LRRC4C: variants seen among roughly 807,000 people sequenced by gnomAD.
LRRC4C encodes leucine-rich repeat-containing protein 4C.
LRRC4C carries 5 observed loss-of-function variants against 33.6 expected under a neutral mutation model. The observed-to-expected ratio is 0.15, with a 90% CI of 0.08 to 0.31. LRRC4C has a LOEUF of 0.31. LRRC4C is among the 10% of genes least tolerant of loss of function. The probability of loss-of-function intolerance (pLI) is 1.00; values close to 1 mark genes in which losing one functional copy is unlikely to be tolerated. For missense variants in LRRC4C, 560 were observed against 796.7 expected, an observed-to-expected ratio of 0.70 and a Z score of 3.58; for synonymous variants, 329 against 302.0, an observed-to-expected ratio of 1.09 and a Z score of -0.93.
chr11:40,689,302 G>A (rs1299989330), intron 2 of LRRC4C, among the ~76,000 whole-genome samples: 2 of 151,850 alleles, frequency 1.3e-5, no homozygotes, highest in African/African-American at 2.4e-5. Context: ...ACTCAGTACT[G>A]CCTGATCCAT....
chr11:40,864,840 C>T (rs1180696214), intron 2 of LRRC4C, among the ~76,000 whole-genome samples: 1 of 152,206 alleles, frequency 6.6e-6, no homozygotes, highest in Non-Finnish European at 1.5e-5. Flanking sequence ...ATATTCTCTA[C>T]ACTCAGCATG....
intron 2 of LRRC4C, among the ~76,000 whole-genome samples, chr11:40,665,324 AAATATAT>A (rs1482935996): frequency 7.8e-4 from 8 of 10,302 alleles, no homozygotes; most frequent in East Asian, 8.3e-3. Flanking sequence ...AAAAAAAAAA[AAATATAT>A]ATATATATAT....
chr11:41,160,070 A>G (rs910073623), intron 1 of LRRC4C, among the ~76,000 whole-genome samples: 2 of 152,132 alleles, frequency 1.3e-5, no homozygotes, highest in Non-Finnish European at 1.5e-5. Context: ...GAAAACTATC[A>G]TTACAAAGTG....
At chr11:40,267,232 A>G (rs1942340360) in intron 4 of LRRC4C, among the ~76,000 whole-genome samples, 1 of 152,196 alleles carries the variant, frequency 6.6e-6, no homozygotes, top group South Asian at 2.1e-4. Flanking sequence ...ATAAGTGTTT[A>G]GTAAAAAATA....
At chr11:40,825,995 ATTGCAGGG>A (rs1449495815) in intron 2 of LRRC4C, among the ~76,000 whole-genome samples, 2 of 149,712 alleles carry the variant, frequency 1.3e-5, no homozygotes, top group African/African-American at 4.9e-5. Flanking sequence ...AAGTGAGGAA[ATTGCAGGG>A]TTTGTGAAGA....
At chr11:40,795,304 G>T (rs1950780068) in intron 2 of LRRC4C, among the ~76,000 whole-genome samples, 1 of 152,082 alleles carries the variant, frequency 6.6e-6, no homozygotes, top group Non-Finnish European at 1.5e-5. Context: ...TGAGGCTGGT[G>T]GATCACGAGT....
chr11:41,008,956 CT>C (rs1218135777), intron 1 of LRRC4C, among the ~76,000 whole-genome samples: 1 of 151,932 alleles, frequency 6.6e-6, no homozygotes, highest in African/African-American at 2.4e-5. Context: ...GCATTTGTGT[CT>C]TCTTCAATTG....
At chr11:40,882,471 T>A (rs533433108) in intron 2 of LRRC4C, among the ~76,000 whole-genome samples, 1 of 152,198 alleles carries the variant, frequency 6.6e-6, no homozygotes, top group African/African-American at 2.4e-5. Context: ...GACTTTACAT[T>A]TTGGCATTGC....
chr11:40,169,443 A>C, intron 5 of LRRC4C, among the ~76,000 whole-genome samples: 1 of 152,196 alleles, frequency 6.6e-6, no homozygotes. Flanking sequence ...GTAGAGAGTG[A>C]GTCAATCTCA....
intron 1 of LRRC4C, among the ~76,000 whole-genome samples, chr11:40,980,806 T>C (rs1190348880): frequency 6.6e-6 from 1 of 152,158 alleles, no homozygotes; most frequent in Non-Finnish European, 1.5e-5. Flanking sequence ...TTTTGATATA[T>C]TCAAAAGATG....
intron 3 of LRRC4C, among the ~76,000 whole-genome samples, chr11:40,450,493 T>G (rs1267321718): frequency 6.6e-6 from 1 of 152,050 alleles, no homozygotes; most frequent in Non-Finnish European, 1.5e-5. Flanking sequence ...AAGACAACAA[T>G]GACCTTAAAT....
chr11:40,977,039 G>A (rs1592239243), intron 1 of LRRC4C, among the ~76,000 whole-genome samples: 1 of 152,228 alleles, frequency 6.6e-6, no homozygotes, highest in East Asian at 1.9e-4. Context: ...GCTGATGGGA[G>A]ACAGTGACAG....
intron 2 of LRRC4C, among the ~76,000 whole-genome samples, chr11:40,892,355 AC>A (rs1344278479): frequency 2.0e-5 from 3 of 152,070 alleles, no homozygotes; most frequent in African/African-American, 4.8e-5. Flanking sequence ...GGACAAAAAA[AC>A]ATGTACATAT....
chr11:41,052,082 C>T lies in LRRC4C; in HGVS notation c.-495-118359G>A, dbSNP rs556476341. On this transcript the variant is annotated intron_variant, in intron 1 of 6. Coordinates refer to ENST00000528697, the MANE Select transcript of LRRC4C (RefSeq NM_001258419.2). ...CTGGGCAACACCATTAGAAACCACA[C>T]GTACCTGGGACAAAACATAATACCT... 3.9e-5 allele frequency among the ~76,000 whole-genome samples: 6 copies of T among 152,266 alleles called. No homozygotes were observed. In the South Asian group the frequency reaches 8.3e-4, roughly 21 times the overall value.
intron 2 of LRRC4C, among the ~76,000 whole-genome samples, chr11:40,665,366 A>ATATATATATATATATATG (rs1943743960): frequency 6.4e-5 from 2 of 31,160 alleles, no homozygotes; most frequent in Non-Finnish European, 1.7e-4. Flanking sequence ...ATATATATGT[A>ATATATATATATATATATG]TATATATATA....
intron 1 of LRRC4C, among the ~76,000 whole-genome samples, chr11:41,337,208 C>A (rs566138460): frequency 4.6e-5 from 7 of 151,758 alleles, no homozygotes; most frequent in Admixed American, 2.0e-4. Flanking sequence ...CCATGCCCAG[C>A]GAACTAAAAA....
intron 3 of LRRC4C, among the ~76,000 whole-genome samples, chr11:40,380,502 T>C (rs987280504): frequency 1.3e-5 from 2 of 152,188 alleles, no homozygotes; most frequent in Non-Finnish European, 1.5e-5. Context: ...TACTTAGTTC[T>C]TAATACTTGG....
chr11:40,320,121 T>C (rs949329145), intron 3 of LRRC4C, among the ~76,000 whole-genome samples: 1 of 152,212 alleles, frequency 6.6e-6, no homozygotes, highest in Non-Finnish European at 1.5e-5. Context: ...AAAGACTTCC[T>C]GCTCTTACTT....
chr11:40,306,027 A>G (rs1478713485), intron 4 of LRRC4C, among the ~76,000 whole-genome samples: 1 of 152,158 alleles, frequency 6.6e-6, no homozygotes, highest in Non-Finnish European at 1.5e-5. Context: ...TGACCAACGA[A>G]ACAGAACTTC....
Sources: gnomAD v4.1 joint callset for allele counts (sites outside exome capture counted in the v4.1 genomes callset) on GRCh38, gnomAD v4.1.1 for gene constraint, MANE v1.5 for transcripts, NCBI Gene and HGNC (gene_info 2026-07-23, HGNC 2026-07-21) for gene names.